The following EPHA3 variants were observed in gnomAD, a reference collection of about 807,000 sequenced individuals.
EPHA3 encodes the protein ephrin type-A receptor 3.
EPHA3 carries 42 observed loss-of-function variants against 107.1 expected under a neutral mutation model. That is an observed-to-expected ratio of 0.39 (90% confidence interval 0.31 to 0.51). The LOEUF (loss-of-function observed/expected upper bound fraction) is 0.51, where lower values mean the gene tolerates loss of function less well. EPHA3 is among the 20% of genes least tolerant of loss of function. EPHA3 has a pLI of 0.78. For synonymous variants in EPHA3, 461 were observed against 424.8 expected (o/e 1.09, Z -1.05); for missense variants, 1,183 against 1,211.2 (o/e 0.98, Z 0.35).
At chr3:89,222,569 A>T (rs1704407521) in intron 3 of EPHA3, among the ~76,000 whole-genome samples, 1 of 151,022 alleles carries the variant, frequency 6.6e-6, no homozygotes, top group South Asian at 2.1e-4. Flanking sequence ...GTCCATACAC[A>T]TATATGCACT....
chr3:89,146,774 A>G (rs1704568080), intron 2 of EPHA3, among the ~76,000 whole-genome samples: 1 of 151,816 alleles, frequency 6.6e-6, no homozygotes, highest in South Asian at 2.1e-4. Context: ...TTATAGTTTT[A>G]GGTTTTACAT....
chr3:89,255,526 G>A (rs1395964647), intron 3 of EPHA3, among the ~76,000 whole-genome samples: 2 of 152,160 alleles, frequency 1.3e-5, no homozygotes, highest in South Asian at 2.1e-4. Context: ...GTTATGACAG[G>A]GGCCATATGG....
In EPHA3 at chr3:89,157,472, C is replaced by T. The variant is rs776525694; in HGVS notation, c.153+30199C>T. Among the ~76,000 whole-genome samples the T allele has an allele frequency of 2.0e-5, 3 of 152,028 alleles. No individual in the cohort carries two copies. In the East Asian group the frequency reaches 5.8e-4, roughly 29 times the overall value. Reference sequence around the variant, plus strand: ...GATCTCTTGCAAAGTTGATGAAAAACGAAGAGGAACAAGGAGCATAGAATA... The same window carrying T: ...GATCTCTTGCAAAGTTGATGAAAAATGAAGAGGAACAAGGAGCATAGAATA... On this transcript the variant is annotated intron_variant, in intron 2 of 16. Transcript: ENST00000336596.
intron 2 of EPHA3, among the ~76,000 whole-genome samples, chr3:89,185,147 C>T (rs774192423): frequency 3.9e-5 from 6 of 151,968 alleles, no homozygotes; most frequent in Non-Finnish European, 8.8e-5. Context: ...ATGTTGTTTC[C>T]TGTATAATTC....
At chr3:89,226,669 T>C (rs983992885) in intron 3 of EPHA3, among the ~76,000 whole-genome samples, 3 of 152,124 alleles carry the variant, frequency 2.0e-5, no homozygotes, top group Non-Finnish European at 4.4e-5. Context: ...TTGGTTCTGA[T>C]GGTCTGTCTA....
rs116429003 is a variant in EPHA3 at position 89,287,638 on chromosome 3, G to C, written c.815-53278G>C. ...CCAAAATACCCAGGGACAAAAGAAA[G>C]AAAATAAGGAAGAGTGAGCCAACAT... On this transcript the variant is annotated intron_variant, in intron 3 of 16. Coordinates refer to ENST00000336596, the MANE Select transcript of EPHA3 (RefSeq NM_005233.6). Among the ~76,000 whole-genome samples, 788 of 152,064 alleles carry C rather than the reference G, an allele frequency of 5.2e-3. 7 individuals are homozygous for C. The highest frequency in any genetic ancestry group is 0.018 in the African/African-American group (745 of 41,504).
At chr3:89,251,755 C>T (rs1705171838) in intron 3 of EPHA3, among the ~76,000 whole-genome samples, 1 of 151,864 alleles carries the variant, frequency 6.6e-6, no homozygotes, top group South Asian at 2.1e-4. Context: ...ATTGGCATGT[C>T]TTGCTTTACT....
At chr3:89,412,159 T>A (rs182679367) in intron 9 of EPHA3, among the ~76,000 whole-genome samples, 145 of 151,848 alleles carry the variant, frequency 9.5e-4, no homozygotes, top group Middle Eastern at 6.8e-3. Context: ...AGGGTTTTTG[T>A]TTAGAGAAAG....
At chr3:89,192,129 A>G (rs1705730824) in intron 2 of EPHA3, among the ~76,000 whole-genome samples, 1 of 152,182 alleles carries the variant, frequency 6.6e-6, no homozygotes. Flanking sequence ...ATAAATATCA[A>G]TAACTTAGAA....
chr3:89,273,026 T>G (rs1460502937), intron 3 of EPHA3, among the ~76,000 whole-genome samples: 2 of 151,968 alleles, frequency 1.3e-5, no homozygotes, highest in East Asian at 3.9e-4. Context: ...AATATTTTTC[T>G]TATCTAAGCA....
At chr3:89,110,661 C>A (rs1386056079) in intron 1 of EPHA3, among the ~76,000 whole-genome samples, 1 of 151,902 alleles carries the variant, frequency 6.6e-6, no homozygotes, top group African/African-American at 2.4e-5. Flanking sequence ...TAAGAAAAGA[C>A]TTTTAATGGG....
At position 89,326,356 on chromosome 3, in the gene EPHA3, G is replaced by A. The variant is rs1262910956; in HGVS notation, c.815-14560G>A. 8.5e-5 allele frequency among the ~76,000 whole-genome samples: 13 copies of A among 152,178 alleles called. No homozygotes were observed. The East Asian group carries it at 1.9e-3, about 23-fold the overall frequency. Reference sequence around the variant, plus strand: ...ATACTATATTATTTAGGGAACAATGGCAAGAAAAAGATCTGTACATGTTCA... The same window carrying A: ...ATACTATATTATTTAGGGAACAATGACAAGAAAAAGATCTGTACATGTTCA... On this transcript the variant is annotated intron_variant, in intron 3 of 16. Transcript: ENST00000336596.
At chr3:89,238,339 A>T (rs1427623451) in intron 3 of EPHA3, among the ~76,000 whole-genome samples, 2 of 152,220 alleles carry the variant, frequency 1.3e-5, no homozygotes, top group Admixed American at 1.3e-4. Context: ...CATCTCATCA[A>T]GTAACAATAG....
chr3:89,480,780 G>T lies in EPHA3; in HGVS notation c.*1278G>T, dbSNP rs1292559247. 4.3e-6 allele frequency: 1 copy of T among 232,364 alleles called. No homozygotes were observed. 14.4% of individuals were successfully genotyped at this position (232,364 alleles called of 1,614,324 possible). ...TAAACATTGTGATCATTAGTACCAG[G>T]TATTATTATCTTTAAGAGTCTTCCA... On this transcript the variant is annotated 3_prime_UTR_variant, in exon 17 of 17. Transcript: ENST00000336596.
chr3:89,127,929 T>C (rs747799739), intron 2 of EPHA3, among the ~76,000 whole-genome samples: 18 of 152,068 alleles, frequency 1.2e-4, no homozygotes, highest in Non-Finnish European at 1.9e-4. Context: ...TGGGAGAACA[T>C]TTTTCTTTTA....
intron 2 of EPHA3, among the ~76,000 whole-genome samples, chr3:89,179,481 T>A (rs933715712): frequency 1.5e-4 from 23 of 152,032 alleles, no homozygotes; most frequent in African/African-American, 4.6e-4. Flanking sequence ...CTCTTTATGA[T>A]CTTTGGTCCA....
chr3:89,479,374 T>C, intron 16 of EPHA3, 23 bp from the exon 17 acceptor site: 3 of 1,593,150 alleles, frequency 1.9e-6, no homozygotes, highest in Non-Finnish European at 2.6e-6. Flanking sequence ...AACCGATTCT[T>C]ATATTGTTTT....
At chr3:89,117,519 T>C (rs966648011) in intron 1 of EPHA3, among the ~76,000 whole-genome samples, 1 of 152,102 alleles carries the variant, frequency 6.6e-6, no homozygotes, top group African/African-American at 2.4e-5. Flanking sequence ...TAATTTGCAA[T>C]GTCTTCCATG....
chr3:89,443,677 A>G (rs1709825846), intron 13 of EPHA3, among the ~76,000 whole-genome samples: 1 of 152,216 alleles, frequency 6.6e-6, no homozygotes. Flanking sequence ...GCAAGCAACA[A>G]AGTTTTGTAA....
Sources: gnomAD v4.1 joint callset for allele counts (sites outside exome capture counted in the v4.1 genomes callset) on GRCh38, gnomAD v4.1.1 for gene constraint, MANE v1.5 for transcripts, NCBI Gene and HGNC (gene_info 2026-07-23, HGNC 2026-07-21) for gene names.